The following RBM4 variants were observed in gnomAD, a reference collection of about 807,000 sequenced individuals.
RBM4 encodes the protein RNA binding motif protein 4, also known as RNA-binding protein 4.
In RBM4, 7 loss-of-function variants were observed where a neutral mutation model predicts 29.5. The ratio of observed to expected loss-of-function variants is 0.24; its 90% CI spans 0.14 to 0.45. The LOEUF (loss-of-function observed/expected upper bound fraction) is 0.45. RBM4 is among the 20% of genes least tolerant of loss of function. RBM4 has a pLI of 1.00. For missense variants in RBM4, 387 were observed against 502.3 expected (o/e 0.77, Z 2.19); for synonymous variants, 220 against 205.4 (o/e 1.07, Z -0.61).
At chr11:66,639,580 TGTGTGTGCAGGC>T in intron 1 of RBM4, 108 bp from the exon 2 acceptor site, 1 of 1,197,534 alleles carries the variant, frequency 8.4e-7, no homozygotes, top group Non-Finnish European at 1.2e-6. Flanking sequence ...TGTGTGGAGG[TGTGTGTGCAGGC>T]GTGTGAGAGA....
At chr11:66,652,403 A>G (rs1938852104) in intron 2 of RBM4, 1 of 152,228 alleles carries the variant, frequency 6.6e-6, no homozygotes, top group Admixed American at 6.5e-5. Flanking sequence ...GAAATGAGGA[A>G]ATTTTTAAAA....
chr11:66,660,129 C>CTTTT (rs778565169), intron 2 of RBM4, among the ~76,000 whole-genome samples: 2 of 127,448 alleles, frequency 1.6e-5, no homozygotes, highest in Non-Finnish European at 1.7e-5. Context: ...GCCTCAGGGC[C>CTTTT]TTTTTTTTTT....
intron 2 of RBM4, among the ~76,000 whole-genome samples, chr11:66,642,243 T>C (rs1938498774): frequency 6.6e-6 from 1 of 152,250 alleles, no homozygotes; most frequent in African/African-American, 2.4e-5. Context: ...CCACTTTCTC[T>C]AATGTTAGAG....
chr11:66,649,721 CTTTT>C (rs1565084467), downstream of RBM4: 1 of 701,328 alleles, frequency 1.4e-6, no homozygotes, highest in Non-Finnish European at 2.6e-6. Context: ...CTTTTTCTTG[CTTTT>C]TGTTTTTTAG....
downstream of RBM4, among the ~76,000 whole-genome samples, chr11:66,647,902 A>T (rs2135075033): frequency 6.6e-6 from 1 of 152,246 alleles, no homozygotes; most frequent in East Asian, 1.9e-4. Flanking sequence ...GCATTACAAA[A>T]CTAGTTAAAA....
intron 2 of RBM4, among the ~76,000 whole-genome samples, chr11:66,641,924 C>T (rs1020750876): frequency 2.0e-5 from 3 of 152,104 alleles, no homozygotes; most frequent in Non-Finnish European, 4.4e-5. Flanking sequence ...ACCAACAGAT[C>T]CTTAGATTAA....
intron 2 of RBM4, among the ~76,000 whole-genome samples, chr11:66,654,326 C>T (rs911057149): frequency 9.9e-5 from 15 of 151,096 alleles, no homozygotes; most frequent in African/African-American, 3.6e-4. Context: ...CCTGTCTCTA[C>T]TAAAAATACA....
intron 2 of RBM4, among the ~76,000 whole-genome samples, chr11:66,653,923 GGCAT>G (rs1470089644): frequency 1.3e-5 from 2 of 151,286 alleles, no homozygotes; most frequent in Non-Finnish European, 2.9e-5. Flanking sequence ...AGGGCACAAT[GGCAT>G]GCACCTGTAG....
At chr11:66,644,173 T>C in intron 3 of RBM4, 33 bp downstream of exon 3, 2 of 1,576,792 alleles carry the variant, frequency 1.3e-6, no homozygotes, top group East Asian at 2.2e-5. Flanking sequence ...TCTTCTGGTT[T>C]TGCCATCCCT....
intron 2 of RBM4, chr11:66,665,121 A>G (rs1294875446): frequency 6.4e-6 from 1 of 157,240 alleles, no homozygotes; most frequent in African/African-American, 2.4e-5. Flanking sequence ...AAAAACAAAC[A>G]AAACAACAAA....
chr11:66,644,575 C>G (rs1938607686), intron 3 of RBM4: 9 of 581,864 alleles, frequency 1.5e-5, no homozygotes, highest in Non-Finnish European at 2.0e-5. Flanking sequence ...TGTGAAAGTT[C>G]TGATATGACC....
chr11:66,640,866 G>A (rs1478804085), intron 2 of RBM4: 2 of 152,218 alleles, frequency 1.3e-5, no homozygotes, highest in East Asian at 1.9e-4. Flanking sequence ...GTGATATGTG[G>A]ATTGTCACTT....
chr11:66,660,820 AT>A (rs1446636369), intron 2 of RBM4, among the ~76,000 whole-genome samples: 1 of 151,060 alleles, frequency 6.6e-6, no homozygotes, highest in African/African-American at 2.4e-5. Flanking sequence ...TACCTGGCTA[AT>A]TTTTTTTGTA....
At chr11:66,641,359 C>G (rs1938455555) in intron 2 of RBM4, among the ~76,000 whole-genome samples, 2 of 152,060 alleles carry the variant, frequency 1.3e-5, no homozygotes. Flanking sequence ...CATTATTTCC[C>G]CTAGTAATGG....
At chr11:66,653,037 C>T (rs985259908) in intron 2 of RBM4, among the ~76,000 whole-genome samples, 1 of 152,122 alleles carries the variant, frequency 6.6e-6, no homozygotes, top group Non-Finnish European at 1.5e-5. Context: ...CTGGTGGTTC[C>T]ATTGAGGGTT....
chr11:66,654,389 G>A (rs570868574), intron 2 of RBM4, among the ~76,000 whole-genome samples: 4 of 152,018 alleles, frequency 2.6e-5, no homozygotes, highest in East Asian at 1.9e-4. Flanking sequence ...CCAGCTATTC[G>A]GGAGGCTGAG....
chr11:66,662,396 T>TTTCA (rs1554971267), intron 2 of RBM4, among the ~76,000 whole-genome samples: 44 of 152,032 alleles, frequency 2.9e-4, no homozygotes, highest in African/African-American at 1.1e-3. Context: ...ATCAAGATAC[T>TTTCA]TTTATTTATT....
At chr11:66,663,145 T>A (rs1939116185) in intron 2 of RBM4, among the ~76,000 whole-genome samples, 1 of 152,184 alleles carries the variant, frequency 6.6e-6, no homozygotes, top group Admixed American at 6.5e-5. Flanking sequence ...TAGAGTTGAG[T>A]CCATCATTAA....
At chr11:66,647,076 C>T (rs1041382138), downstream of RBM4, among the ~76,000 whole-genome samples, 3 of 152,226 alleles carry the variant, frequency 2.0e-5, no homozygotes, top group African/African-American at 7.2e-5. Context: ...GCTTTAGATA[C>T]CTTGTTGAAT....
Sources: allele counts gnomAD v4.1 joint callset (sites outside exome capture counted in the v4.1 genomes callset), GRCh38; gene constraint gnomAD v4.1.1; transcripts MANE v1.5; gene names NCBI Gene and HGNC (gene_info 2026-07-23, HGNC 2026-07-21).